The following RB1CC1 variants were observed in gnomAD, a reference collection of about 807,000 sequenced individuals.
RB1CC1 encodes RB1 inducible coiled-coil 1, also known as RB1-inducible coiled-coil protein 1.
A neutral mutation model predicts 177.5 loss-of-function variants in RB1CC1; 46 were observed. The observed-to-expected ratio is 0.26, with a 90% CI of 0.20 to 0.33. The LOEUF is 0.33. Ranked by LOEUF, RB1CC1 falls within the 10% of genes least tolerant of loss-of-function variation. RB1CC1 has a pLI of 1.00. For missense variants in RB1CC1, 1,703 were observed against 1,816.3 expected (o/e 0.94, Z 1.13); for synonymous variants, 666 against 613.6 (o/e 1.09, Z -1.26).
intron 1 of RB1CC1, 39 bp from the exon 2 acceptor site, chr8:52,687,006 T>G (rs745753106): frequency 1.3e-5 from 6 of 453,746 alleles, no homozygotes; most frequent in Non-Finnish European, 2.7e-5. Flanking sequence ...GAGAAACAAT[T>G]CAGTACGAAA....
intron 8 of RB1CC1, among the ~76,000 whole-genome samples, chr8:52,664,825 G>A (rs1314549251): frequency 6.6e-6 from 1 of 152,128 alleles, no homozygotes; most frequent in Non-Finnish European, 1.5e-5. Context: ...TCCATTTGCT[G>A]AAACCAAGTA....
At chr8:52,689,743 T>TGGGGCA (rs1563447810) in intron 1 of RB1CC1, among the ~76,000 whole-genome samples, 1 of 152,142 alleles carries the variant, frequency 6.6e-6, no homozygotes, top group African/African-American at 2.4e-5. Flanking sequence ...TGAGTCTTCA[T>TGGGGCA]GGGGCAGTTT....
intron 7 of RB1CC1, among the ~76,000 whole-genome samples, chr8:52,672,511 G>C (rs1233746030): frequency 1.3e-5 from 2 of 152,184 alleles, no homozygotes; most frequent in Non-Finnish European, 2.9e-5. Flanking sequence ...GGAAGGCTGA[G>C]GCAAGAGAAC....
chr8:52,652,687 G>A (rs1358033875), intron 15 of RB1CC1, among the ~76,000 whole-genome samples: 2 of 152,136 alleles, frequency 1.3e-5, no homozygotes, highest in African/African-American at 2.4e-5. Context: ...TGGTAAACAC[G>A]CATGCACACA....
In RB1CC1 at chr8:52,656,039, C is replaced by T. The variant is rs1851055709; in HGVS notation, c.3790G>A (p.Val1264Ile). Residue 1264 changes from valine to isoleucine, a missense_variant, in exon 15 of 24, where the codon GTT becomes ATT. Physicochemically the swap from Val to Ile is conservative, Grantham distance 29. Coordinates refer to ENST00000025008, the MANE Select transcript of RB1CC1 (RefSeq NM_014781.5). ...EVVEKELLEK[V>I]KHLENQIAKS... Reference sequence around the variant, plus strand: ...GCTATTTGATTCTCAAGATGTTTAACTTTTTCTAATAACTCTTTCTCAACA... The same window carrying T: ...GCTATTTGATTCTCAAGATGTTTAATTTTTTCTAATAACTCTTTCTCAACA... 7 of 1,610,530 alleles carry T rather than the reference C, an allele frequency of 4.3e-6. No homozygotes were observed. Among genetic ancestry groups the T allele is most frequent in the Non-Finnish European group, 4.2e-6 (5 of 1,178,638 alleles).
rs149848667 is a variant in RB1CC1 at position 52,699,375 on chromosome 8, A to G, written c.-166-12408T>C. Among the ~76,000 whole-genome samples the G allele has an allele frequency of 1.7e-4, 26 of 152,338 alleles. No individual in the cohort carries two copies. The East Asian group carries it at 4.8e-3, about 28-fold the overall frequency. ...CTTCAAAATTTACAGGTCAAAAGTA[A>G]CAAGAGAATGAGAAGCAGATGGAAG... On this transcript the variant is annotated intron_variant, in intron 1 of 23. Transcript: ENST00000025008.
At chr8:52,695,168 T>G (rs1238192214) in intron 1 of RB1CC1, among the ~76,000 whole-genome samples, 1 of 152,152 alleles carries the variant, frequency 6.6e-6, no homozygotes, top group Non-Finnish European at 1.5e-5. Flanking sequence ...CGACCTAAGA[T>G]TCCAAGGTTT....
intron 21 of RB1CC1, among the ~76,000 whole-genome samples, chr8:52,629,505 G>A (rs766734542): frequency 6.6e-6 from 1 of 152,110 alleles, no homozygotes; most frequent in African/African-American, 2.4e-5. Flanking sequence ...CTAGGCCAGT[G>A]CCCTATAAAT....
Position 52,630,530 on chromosome 8 carries a change from TAAAAAA to T in RB1CC1, c.4441-8_4441-3del. The T allele has an allele frequency of 1.4e-6, 2 of 1,406,904 alleles. No homozygotes were observed. The highest frequency in any genetic ancestry group is 9.4e-7 in the Non-Finnish European group (1 of 1,060,006). 87.2% of individuals were successfully genotyped at this position (1,406,904 alleles called of 1,614,324 possible). ...TACTGAAGACATGCTCTGAGACATC[TAAAAAA>T]AAAAAAAAAGTTTATGAACTTACAC... is the stretch of plus-strand genomic sequence containing the variant. On this transcript the variant is annotated splice_region_variant and splice_polypyrimidine_tract_variant and intron_variant, in intron 20 of 23. Coordinates refer to ENST00000025008, the MANE Select transcript of RB1CC1 (RefSeq NM_014781.5).
chr8:52,667,438 T>C (rs543583316), intron 8 of RB1CC1, among the ~76,000 whole-genome samples: 2 of 152,324 alleles, frequency 1.3e-5, no homozygotes, highest in South Asian at 2.1e-4. Context: ...TATTCAGCTA[T>C]GGGTGGTTTT....
intron 1 of RB1CC1, among the ~76,000 whole-genome samples, chr8:52,688,655 CTT>C (rs1854515420): frequency 6.6e-6 from 1 of 152,154 alleles, no homozygotes; most frequent in Non-Finnish European, 1.5e-5. Context: ...AGCATGTGAT[CTT>C]TGTTAGACTC....
At chr8:52,685,362 C>G (rs775528932) in intron 3 of RB1CC1, 37 bp downstream of exon 3, 1 of 1,432,658 alleles carries the variant, frequency 7.0e-7, no homozygotes, top group Non-Finnish European at 9.7e-7. Flanking sequence ...TGCATGCAGA[C>G]AGAATGCGAA....
chr8:52,661,321 T>C, intron 9 of RB1CC1, 40 bp from the exon 10 acceptor site: 1 of 1,598,674 alleles, frequency 6.3e-7, no homozygotes, highest in Non-Finnish European at 8.5e-7. Flanking sequence ...TTCACAAAAC[T>C]GGTACTAACT....
chr8:52,624,639 G>A lies in RB1CC1; in HGVS notation c.4707+78C>T, dbSNP rs1848254119. Reference sequence around the variant, plus strand: ...AGCATAAAGGCCAAGAACAGCAGTGGTAATGATTTCTATATAAAGCAGTAT... The same window carrying A: ...AGCATAAAGGCCAAGAACAGCAGTGATAATGATTTCTATATAAAGCAGTAT... On this transcript the variant is annotated intron_variant, in intron 23 of 23. Coordinates refer to ENST00000025008, the MANE Select transcript of RB1CC1 (RefSeq NM_014781.5). 22 of 1,155,166 alleles carry A rather than the reference G, an allele frequency of 1.9e-5. No homozygotes were observed. The South Asian group carries it at 2.7e-4, about 14-fold the overall frequency. The allele number at this position is 1,155,166 out of a possible 1,614,324, so 71.6% of individuals were successfully genotyped here.
At chr8:52,710,617 C>A (rs998454416) in intron 1 of RB1CC1, among the ~76,000 whole-genome samples, 1 of 151,988 alleles carries the variant, frequency 6.6e-6, no homozygotes, top group Non-Finnish European at 1.5e-5. Context: ...GTGTCCCTAT[C>A]GTTTATAAAA....
chr8:52,705,945 T>C (rs553668312), intron 1 of RB1CC1, among the ~76,000 whole-genome samples: 1 of 152,310 alleles, frequency 6.6e-6, no homozygotes, highest in African/African-American at 2.4e-5. Flanking sequence ...TTACAGTATA[T>C]ATTATGTGAT....
intron 16 of RB1CC1, among the ~76,000 whole-genome samples, chr8:52,643,835 C>A (rs1018567724): frequency 2.6e-5 from 4 of 151,814 alleles, no homozygotes; most frequent in African/African-American, 9.7e-5. Context: ...ATTTTAAGAG[C>A]TCTACGGTCC....
At position 52,652,022 on chromosome 8, in the gene RB1CC1, G is replaced by A. The variant is rs550357692; in HGVS notation, c.3821+3986C>T. On this transcript the variant is annotated intron_variant, in intron 15 of 23. Transcript: ENST00000025008. ...AGAATATCGACAATCATCTGAAAAG[G>A]CTATTTAAATATTCCTTTCCTTTTC... Among the ~76,000 whole-genome samples the A allele has an allele frequency of 1.1e-3, 160 of 152,220 alleles. 3 individuals are homozygous for A. Among genetic ancestry groups the A allele is most frequent in the African/African-American group, 3.7e-3 (154 of 41,556 alleles).
intron 8 of RB1CC1, among the ~76,000 whole-genome samples, chr8:52,666,529 AAAAG>A (rs1554541875): frequency 4.7e-5 from 7 of 149,610 alleles, no homozygotes; most frequent in African/African-American, 9.8e-5. Flanking sequence ...AAAAAAAAAA[AAAAG>A]AAAGAAAGAA....
Sources: gnomAD v4.1 joint callset for allele counts (sites outside exome capture counted in the v4.1 genomes callset) on GRCh38, gnomAD v4.1.1 for gene constraint, MANE v1.5 for transcripts, NCBI Gene and HGNC (gene_info 2026-07-23, HGNC 2026-07-21) for gene names.